Variants in CROCC2 observed in about 807,000 individuals in gnomAD.
CROCC2 encodes ciliary rootlet coiled-coil protein 2.
A neutral mutation model predicts 177.6 loss-of-function variants in CROCC2; 163 were observed. The ratio of observed to expected loss-of-function variants is 0.92; its 90% CI spans 0.81 to 1.05. CROCC2 has a LOEUF of 1.05. Ranked by LOEUF, CROCC2 falls within the 50% of genes least tolerant of loss-of-function variation. The pLI is 0.00. For synonymous variants in CROCC2, 904 were observed against 787.3 expected (o/e 1.15, Z -2.48); for missense variants, 1,929 against 1,797.8 (o/e 1.07, Z -1.32).
chr2:240,963,496 G>C, intron 20 of CROCC2, 60 bp from the exon 21 acceptor site: 1 of 1,446,534 alleles, frequency 6.9e-7, no homozygotes. Flanking sequence ...ACAGGCCCCT[G>C]TGGCTATCCC....
At position 240,958,783 on chromosome 2, in the gene CROCC2, G is replaced by A. The variant is rs1010912664; in HGVS notation, c.2944-518G>A. Reference sequence around the variant, plus strand: ...GAGGGCCTTGAGAGGAAGCGGGGTGGTGTCCCGAGGGGCCTGGGGCTTGGG... The same window carrying A: ...GAGGGCCTTGAGAGGAAGCGGGGTGATGTCCCGAGGGGCCTGGGGCTTGGG... On this transcript the variant is annotated intron_variant, in intron 19 of 31. Coordinates refer to ENST00000690015, the MANE Select transcript of CROCC2 (RefSeq NM_001351305.2). The surrounding 1 kb of genome is among the most constrained non-coding windows in gnomAD (Gnocchi z 6.7). Among the ~76,000 whole-genome samples the A allele has an allele frequency of 3.9e-5, 6 of 152,316 alleles. No homozygotes were observed. The highest frequency in any genetic ancestry group is 1.4e-4 in the African/African-American group (6 of 41,578).
intron 1 of CROCC2, among the ~76,000 whole-genome samples, chr2:240,916,342 G>T (rs995173616): frequency 4.6e-5 from 7 of 150,554 alleles, no homozygotes; most frequent in Admixed American, 3.3e-4. Flanking sequence ...CCAAAGTCGC[G>T]CCCACTCTAC....
At chr2:240,980,164 G>C (rs2059788941) in intron 27 of CROCC2, among the ~76,000 whole-genome samples, 1 of 50,158 alleles carries the variant, frequency 2.0e-5, no homozygotes, top group Non-Finnish European at 3.5e-5. Context: ...AGTCTCTGGG[G>C]TAGGAGCCTC....
chr2:240,962,070 GCACTCA>G (rs1284114702), intron 20 of CROCC2, among the ~76,000 whole-genome samples: 20 of 107,490 alleles, frequency 1.9e-4, no homozygotes, highest in East Asian at 6.4e-4. Context: ...ACACTCACAC[GCACTCA>G]CACTCACACA....
intron 28 of CROCC2, chr2:240,983,564 G>T (rs759058185): frequency 1.6e-5 from 20 of 1,277,134 alleles, no homozygotes; most frequent in Non-Finnish European, 1.9e-5. Context: ...GGCGCTGCGC[G>T]CTCAGCTCGC....
rs2059566875 is a variant in CROCC2, at chr2:240,953,087, C to T, written c.2829+2577C>T. On this transcript the variant is annotated intron_variant, in intron 18 of 31. Transcript: ENST00000690015. The surrounding 1 kb of genome is among the most constrained non-coding windows in gnomAD (Gnocchi z 4.0). ...TTATTTAATCCCAGCTTCCCAGTGGCACACACAGCCCCCAAGAGAGGGGAC... is the reference window on the plus strand; with the variant it reads ...TTATTTAATCCCAGCTTCCCAGTGGTACACACAGCCCCCAAGAGAGGGGAC... Among the ~76,000 whole-genome samples, 1 of 152,064 alleles carries T rather than the reference C, an allele frequency of 6.6e-6. No homozygotes were observed. Among genetic ancestry groups the T allele is most frequent in the Non-Finnish European group, 1.5e-5 (1 of 68,022 alleles).
intron 1 of CROCC2, among the ~76,000 whole-genome samples, chr2:240,913,192 T>G (rs1354648810): frequency 1.3e-5 from 2 of 152,262 alleles, no homozygotes; most frequent in African/African-American, 4.8e-5. Context: ...GTTCCTGCTC[T>G]GCCTCACTCA....
chr2:240,919,417 C>T (rs2059343870), intron 2 of CROCC2, among the ~76,000 whole-genome samples: 1 of 152,136 alleles, frequency 6.6e-6, no homozygotes, highest in Admixed American at 6.5e-5. Flanking sequence ...CTGTCCTGCA[C>T]CCGCCCCAGG....
At position 240,989,648 on chromosome 2, in the gene CROCC2, C is replaced by G; in HGVS notation, c.4684-6C>G. ...CAGCAGTGAGATGCCCAAGTTCTCACTCCAGGCCCAGATGACAGAGATGGA... is the reference window on the plus strand; with the variant it reads ...CAGCAGTGAGATGCCCAAGTTCTCAGTCCAGGCCCAGATGACAGAGATGGA... On this transcript the variant is annotated splice_polypyrimidine_tract_variant and splice_region_variant and intron_variant, in intron 29 of 31. Coordinates refer to ENST00000690015, the MANE Select transcript of CROCC2 (RefSeq NM_001351305.2). The G allele has an allele frequency of 6.5e-7, 1 of 1,541,774 alleles. No homozygotes were observed. The highest frequency in any genetic ancestry group is 8.8e-7 in the Non-Finnish European group (1 of 1,140,486).
intron 27 of CROCC2, among the ~76,000 whole-genome samples, chr2:240,970,765 G>A (rs1393846556): frequency 6.6e-6 from 1 of 152,146 alleles, no homozygotes; most frequent in Non-Finnish European, 1.5e-5. Flanking sequence ...GGACCCCAGG[G>A]CTCTCTACCC....
At chr2:240,959,061 G>A (rs2059613135) in intron 19 of CROCC2, 1 of 493,854 alleles carries the variant, frequency 2.0e-6, no homozygotes, top group Non-Finnish European at 3.6e-6. Flanking sequence ...CTCCTGCTGT[G>A]TCCGTGGGCA....
chr2:240,974,007 G>C (rs960698918), intron 27 of CROCC2, among the ~76,000 whole-genome samples: 3 of 152,022 alleles, frequency 2.0e-5, no homozygotes, highest in Non-Finnish European at 2.9e-5. Context: ...ATTTCTTCTC[G>C]GGTCAGTTTT....
At chr2:240,952,315 C>CAA (rs71049540) in intron 18 of CROCC2, among the ~76,000 whole-genome samples, 7,517 of 113,352 alleles carry the variant, frequency 0.066, 362 homozygotes, top group African/African-American at 0.099. Context: ...TACTCCTTCT[C>CAA]AAAAAAAAAA....
intron 14 of CROCC2, among the ~76,000 whole-genome samples, chr2:240,945,276 G>T (rs1486523435): frequency 6.6e-6 from 1 of 152,184 alleles, no homozygotes; most frequent in African/African-American, 2.4e-5. Flanking sequence ...AACGTAGAAG[G>T]TCACTGTAAT....
chr2:240,961,516 TAC>T (rs1019208086), intron 20 of CROCC2, among the ~76,000 whole-genome samples: 13 of 143,262 alleles, frequency 9.1e-5, no homozygotes, highest in African/African-American at 2.9e-4. Flanking sequence ...GCACACCACA[TAC>T]AGAGTGGACA....
At chr2:240,938,090 G>T (rs1174021632) in intron 14 of CROCC2, among the ~76,000 whole-genome samples, 1 of 152,156 alleles carries the variant, frequency 6.6e-6, no homozygotes, top group Non-Finnish European at 1.5e-5. Context: ...TTTACAGCAG[G>T]GTGAGAACAG....
chr2:240,967,562 G>C, intron 26 of CROCC2, 97 bp downstream of exon 26: 1 of 1,508,804 alleles, frequency 6.6e-7, no homozygotes, highest in South Asian at 1.3e-5. Flanking sequence ...TTCAGTCCCT[G>C]GGGCAGCTCG....
Position 240,934,000 on chromosome 2 carries a change from G to C in CROCC2, c.1646+148G>C, listed in dbSNP as rs372274317. ...TGGCCCTAACAGGGCAGGGGCGGGG[G>C]CTCTCCAGGCTTCTCCCCAGGCTGC... On this transcript the variant is annotated intron_variant, in intron 11 of 31. Coordinates refer to ENST00000690015, the MANE Select transcript of CROCC2 (RefSeq NM_001351305.2). The C allele has an allele frequency of 1.2e-4, 105 of 872,654 alleles. No individual in the cohort carries two copies. In the African/African-American group the frequency reaches 1.6e-3, roughly 13 times the overall value. 54.1% of individuals were successfully genotyped at this position (872,654 alleles called of 1,614,324 possible). A position where few individuals can be genotyped will look rare whatever the true frequency, so the allele number is the denominator to read the frequency against.
At position 240,989,809 on chromosome 2, in the gene CROCC2, G is replaced by A; in HGVS notation, c.4839G>A (p.Gln1613=). The part of the protein sequence containing the change: ...ALESQEWTHQ[Q]QVKVLEEQVA... The stretch of plus-strand genomic sequence containing the variant: ...AGTCCCAAGAATGGACCCACCAGCA[G>A]CAGGTAAAGGTGCTGGAAGAGCAGG... Residue 1613 remains glutamine (Q), a synonymous_variant, in exon 30 of 32, where the codon CAG becomes CAA. Transcript: ENST00000690015. The A allele has an allele frequency of 6.5e-7, 1 of 1,546,472 alleles. No individual in the cohort carries two copies. The highest frequency in any genetic ancestry group is 8.7e-7 in the Non-Finnish European group (1 of 1,143,820).
Sources: gnomAD v4.1 joint callset for allele counts (sites outside exome capture counted in the v4.1 genomes callset) on GRCh38, gnomAD v4.1.1 for gene constraint, Gnocchi (gnomAD v3.1) non-coding constraint, MANE v1.5 for transcripts, NCBI Gene and HGNC (gene_info 2026-07-23, HGNC 2026-07-21) for gene names.